Variants in HTATIP2 observed in about 807,000 individuals in gnomAD.
The protein encoded by HTATIP2 is HIV-1 Tat interactive protein 2, also known as protein HTATIP2.
A neutral mutation model predicts 24.7 loss-of-function variants in HTATIP2; 26 were observed. The ratio of observed to expected loss-of-function variants is 1.05; its 90% CI spans 0.77 to 1.46. HTATIP2 has a LOEUF of 1.46. Ranked by LOEUF, HTATIP2 falls within the 40% of genes most tolerant of loss-of-function variation. The pLI, the probability that HTATIP2 is intolerant of heterozygous loss-of-function variation, is 0.00. For synonymous variants in HTATIP2, 99 were observed against 113.2 expected (o/e 0.87, Z 0.79); for missense variants, 284 against 289.6 (o/e 0.98, Z 0.14).
chr11:20,376,609 T>C lies in HTATIP2; in HGVS notation c.333T>C (p.Tyr111=), dbSNP rs768042834. Reference sequence around the variant, plus strand: ...GATTTGTTCGTGTTGACCGAGATTATGTGCTGAAGTCTGCAGAGCTGGCAA... The same window carrying C: ...GATTTGTTCGTGTTGACCGAGATTACGTGCTGAAGTCTGCAGAGCTGGCAA... The part of the protein sequence containing the change: ...AEGFVRVDRD[Y]VLKSAELAKA... Residue 111 remains tyrosine (Y), a synonymous_variant, in exon 3 of 5, where the codon TAT becomes TAC. Coordinates refer to ENST00000451739, the MANE Select transcript of HTATIP2 (RefSeq NM_001098522.2). 5 of 1,613,974 alleles carry C rather than the reference T, an allele frequency of 3.1e-6. No homozygotes were observed. The highest frequency in any genetic ancestry group is 2.7e-5 in the African/African-American group (2 of 74,928).
At chr11:20,380,671 C>CCAA (rs1848506471) in intron 3 of HTATIP2, among the ~76,000 whole-genome samples, 1 of 81,882 alleles carries the variant, frequency 1.2e-5, no homozygotes, top group Non-Finnish European at 2.3e-5. Flanking sequence ...GACTCCATCT[C>CCAA]AAAAAAAAAA....
rs746247166 is a variant in HTATIP2, at chr11:20,366,099, C to CTTTTTTT, written c.196-1061_196-1055dup. Among the ~76,000 whole-genome samples the CTTTTTTT allele has an allele frequency of 6.5e-4, 71 of 108,684 alleles. 1 individual carries two copies. The highest frequency in any genetic ancestry group is 1.0e-3 in the East Asian group (3 of 2,942). The allele number at this position is 108,684 out of a possible 152,430, so 71.3% of individuals were successfully genotyped here. ...TTTTCTTTTTCTTTTCTTTTCTTTT[C>CTTTTTTT]TTTTTTTTTTTTTTTTTTTTGAGAT... On this transcript the variant is annotated intron_variant, in intron 1 of 4. Transcript: ENST00000451739.
In HTATIP2 at chr11:20,363,890, C is replaced by G; in HGVS notation, c.-348C>G. ...CCTGCTCCTGCTGCGTCGTGAGGAC[C>G]CGGGGCCGGGGGCTGGCCCCAGGTA... On this transcript the variant is annotated 5_prime_UTR_variant, in exon 1 of 5. Coordinates refer to ENST00000451739, the MANE Select transcript of HTATIP2 (RefSeq NM_001098522.2). 1 of 1,243,186 alleles carries G rather than the reference C, an allele frequency of 8.0e-7. No individual in the cohort carries two copies. Among genetic ancestry groups the G allele is most frequent in the Non-Finnish European group, 1.0e-6 (1 of 989,894 alleles). 77.0% of individuals were successfully genotyped at this position (1,243,186 alleles called of 1,614,324 possible).
At chr11:20,367,427 C>T (rs1592317977) in intron 2 of HTATIP2, 146 bp downstream of exon 2, 1 of 1,534,516 alleles carries the variant, frequency 6.5e-7, no homozygotes, top group Non-Finnish European at 8.8e-7. Flanking sequence ...CTGCACTAAC[C>T]TTTGGTATCC....
intron 1 of HTATIP2, 29 bp downstream of exon 1, chr11:20,364,461 A>AC: frequency 6.4e-7 from 1 of 1,556,274 alleles, no homozygotes; most frequent in South Asian, 1.1e-5. Context: ...ACTCAAATGG[A>AC]CCCCCAGGAT....
chr11:20,368,413 A>G (rs1349774581), intron 2 of HTATIP2, among the ~76,000 whole-genome samples: 1 of 152,224 alleles, frequency 6.6e-6, no homozygotes, highest in Non-Finnish European at 1.5e-5. Context: ...TACCTTCTGC[A>G]GTTCTGCCTA....
chr11:20,378,031 T>G (rs1464925200), intron 3 of HTATIP2, among the ~76,000 whole-genome samples: 1 of 152,286 alleles, frequency 6.6e-6, no homozygotes, highest in East Asian at 1.9e-4. Context: ...CTATTCATGC[T>G]CCGAACACTA....
rs763744772 is a variant in HTATIP2, at chr11:20,364,403, A to C, written c.166A>C (p.Thr56Pro). The C allele has an allele frequency of 3.7e-6, 6 of 1,608,576 alleles. No homozygotes were observed. In the Admixed American group the frequency reaches 8.4e-5, roughly 23 times the overall value. ...CACGCTCATTGGCCGGAGGAAGCTC[A>C]CCTTCGACGAGGAAGCTTATAAAAA... is the stretch of plus-strand genomic sequence containing the variant. ...KVTLIGRRKL[T>P]FDEEAYKNVN... Residue 56 changes from threonine to proline, a missense_variant, in exon 1 of 5, where the codon ACC (threonine) becomes CCC (proline). By Grantham distance (38) the Thr-to-Pro change is conservative. Transcript: ENST00000451739.
chr11:20,377,211 T>G (rs1420968896), intron 3 of HTATIP2, among the ~76,000 whole-genome samples: 2 of 150,216 alleles, frequency 1.3e-5, no homozygotes, highest in Non-Finnish European at 3.0e-5. Flanking sequence ...CCCCGCCAAG[T>G]AACTGGGACT....
intron 3 of HTATIP2, among the ~76,000 whole-genome samples, chr11:20,380,765 G>A (rs530983098): frequency 1.3e-5 from 2 of 151,544 alleles, no homozygotes; most frequent in African/African-American, 2.4e-5. Flanking sequence ...TGGCCAAAGA[G>A]TGGGAACAAC....
chr11:20,369,690 CT>C (rs34906098), intron 2 of HTATIP2, among the ~76,000 whole-genome samples: 3,608 of 152,224 alleles, frequency 0.024, 146 homozygotes, highest in African/African-American at 0.083. Flanking sequence ...CACATTTCCC[CT>C]TTTTATAAGA....
chr11:20,381,302 T>C (rs1373560472), intron 3 of HTATIP2, among the ~76,000 whole-genome samples: 1 of 151,820 alleles, frequency 6.6e-6, no homozygotes, highest in African/African-American at 2.4e-5. Context: ...TAGCCAGGCA[T>C]AATGGCGGAT....
chr11:20,383,267 A>C lies in HTATIP2; in HGVS notation c.*62A>C. On this transcript the variant is annotated 3_prime_UTR_variant, in exon 5 of 5. Transcript: ENST00000451739. ...CACCCATCACCAAATCGGTAATTTCAGGGTCTAAAAAAAGTCAGCATGTTT... is the reference window on the plus strand; with the variant it reads ...CACCCATCACCAAATCGGTAATTTCCGGGTCTAAAAAAAGTCAGCATGTTT... 1.1e-5 allele frequency: 14 copies of C among 1,279,186 alleles called. No homozygotes were observed. Among genetic ancestry groups the C allele is most frequent in the Non-Finnish European group, 1.4e-5 (13 of 909,206 alleles). 79.2% of individuals were successfully genotyped at this position (1,279,186 alleles called of 1,614,324 possible).
At chr11:20,369,490 G>A (rs915212643) in intron 2 of HTATIP2, among the ~76,000 whole-genome samples, 1 of 152,184 alleles carries the variant, frequency 6.6e-6, no homozygotes, top group African/African-American at 2.4e-5. Flanking sequence ...AACCCAAGTA[G>A]CTTGAACAAC....
At chr11:20,372,612 T>A (rs2064783173) in intron 2 of HTATIP2, among the ~76,000 whole-genome samples, 1 of 152,182 alleles carries the variant, frequency 6.6e-6, no homozygotes, top group Admixed American at 6.5e-5. Flanking sequence ...GGCTATGGAA[T>A]CATAAAGACA....
chr11:20,363,747 C>A lies in HTATIP2; in HGVS notation c.-491C>A. 8.1e-7 allele frequency: 1 copy of A among 1,235,006 alleles called. No individual in the cohort carries two copies. Among genetic ancestry groups the A allele is most frequent in the Admixed American group, 4.2e-5 (1 of 23,634 alleles). 76.5% of individuals were successfully genotyped at this position (1,235,006 alleles called of 1,614,324 possible). Reference sequence around the variant, plus strand: ...CGCGAGGCCACCCGGAAGACCAAGCCGGGTAGGCGCTGTCTCCGTCGCCTC... The same window carrying A: ...CGCGAGGCCACCCGGAAGACCAAGCAGGGTAGGCGCTGTCTCCGTCGCCTC... On this transcript the variant is annotated 5_prime_UTR_variant, in exon 1 of 5. Coordinates refer to ENST00000451739, the MANE Select transcript of HTATIP2 (RefSeq NM_001098522.2).
intron 2 of HTATIP2, among the ~76,000 whole-genome samples, chr11:20,370,162 G>A (rs909091114): frequency 6.6e-6 from 1 of 152,096 alleles, no homozygotes; most frequent in African/African-American, 2.4e-5. Flanking sequence ...GAGGCATTGG[G>A]GTGTATTAAT....
chr11:20,375,390 G>A lies in HTATIP2; in HGVS notation c.304-1190G>A, dbSNP rs529455718. Among the ~76,000 whole-genome samples, 12 of 152,276 alleles carry A rather than the reference G, an allele frequency of 7.9e-5. No homozygotes were observed. The South Asian group carries it at 2.5e-3, about 32-fold the overall frequency. ...AGTTCAAGACCAGCCTCGCTAACGT[G>A]GTGAAACCCTGTCTCTACTAAAATA... On this transcript the variant is annotated intron_variant, in intron 2 of 4. Coordinates refer to ENST00000451739, the MANE Select transcript of HTATIP2 (RefSeq NM_001098522.2).
chr11:20,368,668 G>A (rs1260446228), intron 2 of HTATIP2, among the ~76,000 whole-genome samples: 1 of 152,214 alleles, frequency 6.6e-6, no homozygotes, highest in Non-Finnish European at 1.5e-5. Flanking sequence ...TTTTGGTGGT[G>A]AGTCAGCAAA....
Sources: gnomAD v4.1 joint callset for allele counts (sites outside exome capture counted in the v4.1 genomes callset) on GRCh38, gnomAD v4.1.1 for gene constraint, MANE v1.5 for transcripts, NCBI Gene and HGNC (gene_info 2026-07-23, HGNC 2026-07-21) for gene names.